Variants in SENP5 observed in about 807,000 individuals in gnomAD.
The protein encoded by SENP5 is sentrin-specific protease 5.
SENP5 carries 21 observed loss-of-function variants against 74.2 expected under a neutral mutation model. That is an observed-to-expected ratio of 0.28 (90% CI 0.20 to 0.41). SENP5 has a LOEUF of 0.41. Ranked by LOEUF, SENP5 falls within the 10% of genes least tolerant of loss-of-function variation. SENP5 has a pLI of 1.00. For missense variants in SENP5, 717 were observed against 889.1 expected (o/e 0.81, Z 2.46); for synonymous variants, 311 against 312.7 (o/e 0.99, Z 0.06).
chr3:196,916,567 G>C (rs1164174683), intron 6 of SENP5, among the ~76,000 whole-genome samples: 3 of 147,998 alleles, frequency 2.0e-5, no homozygotes, highest in Non-Finnish European at 4.5e-5. Flanking sequence ...CCCTCTTGTT[G>C]CCCAGGCTGG....
chr3:196,903,724 T>A, intron 6 of SENP5, 114 bp downstream of exon 6: 1 of 593,436 alleles, frequency 1.7e-6, no homozygotes, highest in Non-Finnish European at 2.9e-6. Context: ...ACAGACTTTT[T>A]AATGTGACAA....
At chr3:196,894,688 C>G (rs949871725) in intron 2 of SENP5, among the ~76,000 whole-genome samples, 13 of 152,116 alleles carry the variant, frequency 8.5e-5, no homozygotes, top group African/African-American at 2.7e-4. Flanking sequence ...CTATTCCATG[C>G]TGGCTCTATT....
chr3:196,899,802 GA>G, intron 3 of SENP5, 31 bp downstream of exon 3: 1 of 1,556,970 alleles, frequency 6.4e-7, no homozygotes, highest in Non-Finnish European at 8.8e-7. Context: ...TTAAGCCCTT[GA>G]AAATAAAATT....
chr3:196,930,159 T>C (rs1025964718), intron 9 of SENP5, among the ~76,000 whole-genome samples: 2 of 152,156 alleles, frequency 1.3e-5, no homozygotes, highest in African/African-American at 4.8e-5. Flanking sequence ...TGTTGGAAAT[T>C]ACAGAATATG....
At chr3:196,883,868 TTTTAGTAGAG>T in intron 1 of SENP5, among the ~76,000 whole-genome samples, 1 of 152,210 alleles carries the variant, frequency 6.6e-6, no homozygotes, top group Non-Finnish European at 1.5e-5. Flanking sequence ...ATTTTTGTAT[TTTTAGTAGAG>T]ACGGGGTTTC....
intron 5 of SENP5, among the ~76,000 whole-genome samples, chr3:196,900,774 C>G (rs1487844894): frequency 6.6e-6 from 1 of 151,746 alleles, no homozygotes; most frequent in African/African-American, 2.4e-5. Context: ...TTAGTAGAGA[C>G]AGGGTTTCAT....
chr3:196,896,987 A>G (rs558662727), intron 2 of SENP5, among the ~76,000 whole-genome samples: 1 of 152,322 alleles, frequency 6.6e-6, no homozygotes, highest in Admixed American at 6.5e-5. Context: ...GAAAATGAAA[A>G]TAAAGATACA....
intron 1 of SENP5, among the ~76,000 whole-genome samples, chr3:196,881,730 A>AT (rs763320028): frequency 7.3e-5 from 11 of 150,242 alleles, no homozygotes; most frequent in East Asian, 1.9e-4. Context: ...TTCATTTATT[A>AT]TTTTTTTTAA....
intron 6 of SENP5, among the ~76,000 whole-genome samples, chr3:196,911,814 AAAAAC>A (rs1333566371): frequency 2.6e-5 from 4 of 152,204 alleles, no homozygotes; most frequent in African/African-American, 7.2e-5. Context: ...CGTCTCAAAA[AAAAAC>A]AAAACAAAAA....
At chr3:196,896,700 G>A (rs1220688168) in intron 2 of SENP5, among the ~76,000 whole-genome samples, 3 of 152,106 alleles carry the variant, frequency 2.0e-5, no homozygotes, top group South Asian at 2.1e-4. Context: ...TGATCCACCC[G>A]CCTTCCAAAG....
At chr3:196,909,701 A>G (rs533789879) in intron 6 of SENP5, among the ~76,000 whole-genome samples, 4 of 152,344 alleles carry the variant, frequency 2.6e-5, no homozygotes, top group Admixed American at 1.3e-4. Flanking sequence ...ACCTTCGATA[A>G]AATTCAGCAT....
At chr3:196,914,904 G>A (rs911932007) in intron 6 of SENP5, among the ~76,000 whole-genome samples, 8 of 151,992 alleles carry the variant, frequency 5.3e-5, no homozygotes, top group African/African-American at 1.9e-4. Context: ...GGCAGTGTGC[G>A]GAGATAGAAT....
Position 196,899,943 on chromosome 3 carries a change from G to C in SENP5, c.1639G>C (p.Glu547Gln). The C allele has an allele frequency of 6.2e-7, 1 of 1,613,604 alleles. No homozygotes were observed. The highest frequency in any genetic ancestry group is 8.5e-7 in the Non-Finnish European group (1 of 1,179,886). ...TTTCAGAAAACCATTTATCAATAGG[G>C]AAATAACAAACTATCGGGCCAGACA... ...FSNRKPFINREITNYRARHQK... is the reference protein window; with the variant it reads ...FSNRKPFINRQITNYRARHQK... Residue 547 changes from glutamate (E) to glutamine (Q), a missense_variant, in exon 4 of 10, where the codon GAA (glutamate) becomes CAA (glutamine). By Grantham distance (29) the Glu-to-Gln change is conservative. Around this residue, in one of 4 missense-constraint regions of SENP5, gnomAD observed 64 missense variants for 100.8 expected, o/e 0.64. Coordinates refer to ENST00000323460, the MANE Select transcript of SENP5 (RefSeq NM_152699.5).
At chr3:196,890,323 T>C (rs995343581) in intron 2 of SENP5, among the ~76,000 whole-genome samples, 14 of 152,256 alleles carry the variant, frequency 9.2e-5, no homozygotes, top group Admixed American at 2.6e-4. Context: ...TTAGCCACTA[T>C]TGAGTTCTGT....
intron 6 of SENP5, chr3:196,913,081 AT>A (rs1371528643): frequency 1.3e-5 from 2 of 152,346 alleles, no homozygotes; most frequent in African/African-American, 4.8e-5. Flanking sequence ...GTGTAATACA[AT>A]TAAAACAGAA....
At chr3:196,888,069 G>A (rs749786302) in intron 2 of SENP5, among the ~76,000 whole-genome samples, 7 of 152,216 alleles carry the variant, frequency 4.6e-5, no homozygotes, top group Admixed American at 1.3e-4. Flanking sequence ...CACTGCGCCT[G>A]GCCTAAAGCT....
chr3:196,931,014 A>G lies in SENP5; in HGVS notation c.*91A>G, dbSNP rs1716015517. The G allele has an allele frequency of 1.2e-6, 1 of 826,646 alleles. No homozygotes were observed. The highest frequency in any genetic ancestry group is 1.7e-5 in the African/African-American group (1 of 59,444). 51.2% of individuals were successfully genotyped at this position (826,646 alleles called of 1,614,324 possible). ...AACACTTAGTTGAATTTTTACAGAT[A>G]TTTCAGATCAGTGGTGTTGGGCCAC... On this transcript the variant is annotated 3_prime_UTR_variant, in exon 10 of 10. Coordinates refer to ENST00000323460, the MANE Select transcript of SENP5 (RefSeq NM_152699.5).
intron 6 of SENP5, among the ~76,000 whole-genome samples, chr3:196,921,137 A>C (rs1261518759): frequency 1.3e-5 from 2 of 152,240 alleles, no homozygotes; most frequent in Non-Finnish European, 2.9e-5. Flanking sequence ...ATTTGCATAT[A>C]TATAATGAGA....
At chr3:196,870,667 A>G (rs1713175021) in intron 1 of SENP5, among the ~76,000 whole-genome samples, 1 of 151,666 alleles carries the variant, frequency 6.6e-6, no homozygotes, top group Non-Finnish European at 1.5e-5. Flanking sequence ...ACAAGCGCCC[A>G]CCACCACGCC....
Sources: gnomAD v4.1 joint callset for allele counts (sites outside exome capture counted in the v4.1 genomes callset) on GRCh38, gnomAD v4.1.1 for gene constraint, gnomAD v4.1.1 regional missense constraint, MANE v1.5 for transcripts, NCBI Gene and HGNC (gene_info 2026-07-23, HGNC 2026-07-21) for gene names.